Variants in CCR3 observed in about 807,000 individuals in gnomAD.
The protein encoded by CCR3 is C-C chemokine receptor type 3.
For synonymous variants in CCR3, 203 were observed against 179.2 expected (o/e 1.13, Z -1.06); for missense variants, 419 against 437.5 (o/e 0.96, Z 0.38).
chr3:46,246,897 A>G (rs1179034369), intron 1 of CCR3, among the ~76,000 whole-genome samples: 4 of 151,982 alleles, frequency 2.6e-5, no homozygotes, highest in Admixed American at 2.0e-4. Context: ...ATTAAGCTGA[A>G]GGGAGGTCTT....
chr3:46,223,618 G>A (rs1699861232), intron 2 of CCR3, among the ~76,000 whole-genome samples: 1 of 152,110 alleles, frequency 6.6e-6, no homozygotes, highest in Non-Finnish European at 1.5e-5. Flanking sequence ...GCATGCAGGT[G>A]TGTGTGTGCA....
At chr3:46,222,499 A>G (rs1420592352) in intron 2 of CCR3, among the ~76,000 whole-genome samples, 4 of 152,144 alleles carry the variant, frequency 2.6e-5, no homozygotes, top group African/African-American at 9.7e-5. Flanking sequence ...AACTCAGGAG[A>G]AAAACCTCCA....
In CCR3 at chr3:46,252,343, A is replaced by AT. The variant is rs533486011; in HGVS notation, c.-12+9818dup. ...GGGGTGCACCACTACTGCCCAGCTA[A>AT]TTTTTTTTTTTTTAAAGTAGAGACA... On this transcript the variant is annotated intron_variant, in intron 1 of 1. Coordinates refer to ENST00000395940, the MANE Select transcript of CCR3 (RefSeq NM_178329.3). Among the ~76,000 whole-genome samples the AT allele has an allele frequency of 1.3e-3, 190 of 145,414 alleles. 2 individuals carry two copies. The highest frequency in any genetic ancestry group is 0.011 in the Middle Eastern group (3 of 280).
intron 1 of CCR3, among the ~76,000 whole-genome samples, chr3:46,246,374 G>T (rs1473900480): frequency 3.3e-5 from 5 of 152,164 alleles, no homozygotes; most frequent in Non-Finnish European, 7.3e-5. Flanking sequence ...CGAAAAGAGA[G>T]TCAGCGAAGG....
chr3:46,240,115 G>T (rs2125926449), upstream of CCR3, among the ~76,000 whole-genome samples: 1 of 152,216 alleles, frequency 6.6e-6, no homozygotes, highest in South Asian at 2.1e-4. Flanking sequence ...GTGATCTAGG[G>T]ATAAAACTCC....
chr3:46,244,474 G>A (rs779844270), intron 1 of CCR3, among the ~76,000 whole-genome samples: 7 of 152,180 alleles, frequency 4.6e-5, no homozygotes, highest in Admixed American at 1.3e-4. Context: ...AAGAGTCAGC[G>A]AAGGGAGATA....
chr3:46,213,790 G>C (rs1200755135), intron 2 of CCR3, among the ~76,000 whole-genome samples: 2 of 152,136 alleles, frequency 1.3e-5, no homozygotes, highest in Admixed American at 6.5e-5. Flanking sequence ...AACTCCAACA[G>C]TTCTTTAACC....
chr3:46,239,510 G>A (rs138151426), upstream of CCR3, among the ~76,000 whole-genome samples: 34 of 152,266 alleles, frequency 2.2e-4, no homozygotes, highest in East Asian at 6.0e-3. Context: ...TCATCTATAT[G>A]AGCCATAAAT....
At chr3:46,221,189 C>T (rs1356963502) in intron 2 of CCR3, among the ~76,000 whole-genome samples, 1 of 152,000 alleles carries the variant, frequency 6.6e-6, no homozygotes. Context: ...TTATATCAGG[C>T]ATGTTGTGCC....
chr3:46,216,147 T>C (rs1223941922), intron 2 of CCR3, among the ~76,000 whole-genome samples: 1 of 152,228 alleles, frequency 6.6e-6, no homozygotes, highest in Non-Finnish European at 1.5e-5. Context: ...TATGAATTTA[T>C]CTTACAAATA....
At chr3:46,252,427 C>T (rs947557594) in intron 1 of CCR3, among the ~76,000 whole-genome samples, 4 of 152,058 alleles carry the variant, frequency 2.6e-5, no homozygotes, top group African/African-American at 9.7e-5. Context: ...GATCCACCCA[C>T]CTTGGCCTCT....
At chr3:46,210,853 A>G (rs200377960) in exon 2 of CCR3, 2 of 152,306 alleles carry the variant, frequency 1.3e-5, no homozygotes, top group Non-Finnish European at 2.9e-5. Context: ...TATCACATCT[A>G]AAGCCTGAGC....
rs373271984 is a variant in CCR3, at chr3:46,245,910, A to G, written c.-12+3372A>G. ...TTTTTTTATGGCTGCATAGTATTCC[A>G]TGTGTATATGTACCACATTTTCTTT... On this transcript the variant is annotated intron_variant, in intron 1 of 1. Coordinates refer to ENST00000395940, the MANE Select transcript of CCR3 (RefSeq NM_178329.3). 4.1e-4 allele frequency among the ~76,000 whole-genome samples: 62 copies of G among 152,276 alleles called. 4 individuals are homozygous for G. In the East Asian group the frequency reaches 5.0e-3, roughly 12 times the overall value.
intron 1 of CCR3, among the ~76,000 whole-genome samples, chr3:46,254,462 T>C (rs961275663): frequency 6.7e-6 from 1 of 148,718 alleles, no homozygotes; most frequent in East Asian, 2.0e-4. Flanking sequence ...GGAAGTATTT[T>C]TCCCCCCTGG....
At position 46,242,471 on chromosome 3, in the gene CCR3, T is replaced by C. The variant is rs1490854239; in HGVS notation, c.-79T>C. On this transcript the variant is annotated 5_prime_UTR_variant, in exon 1 of 2. Transcript: ENST00000395940. ...CTAAATTAGCAGGTACCACTGGTCTTCTTGTGCTTATCCGGGCAAGAACTT... is the reference window on the plus strand; with the variant it reads ...CTAAATTAGCAGGTACCACTGGTCTCCTTGTGCTTATCCGGGCAAGAACTT... 1 of 152,186 alleles carries C rather than the reference T, an allele frequency of 6.6e-6. No homozygotes were observed. The highest frequency in any genetic ancestry group is 2.4e-5 in the African/African-American group (1 of 41,430). 9.4% of individuals were successfully genotyped at this position (152,186 alleles called of 1,614,324 possible).
intron 1 of CCR3, among the ~76,000 whole-genome samples, chr3:46,251,664 G>A (rs1700316270): frequency 6.6e-6 from 1 of 152,164 alleles, no homozygotes; most frequent in Admixed American, 6.5e-5. Flanking sequence ...CAACATGGCT[G>A]TTTATTTCAC....
intron 1 of CCR3, among the ~76,000 whole-genome samples, chr3:46,245,712 C>T (rs923676347): frequency 6.6e-6 from 1 of 151,564 alleles, no homozygotes; most frequent in African/African-American, 2.4e-5. Flanking sequence ...TCCCTCCTCC[C>T]ACTCTCAAGT....
rs763311180 is a variant in CCR3 at position 46,265,402 on chromosome 3, C to T, written c.244C>T (p.Leu82Phe). 3.1e-6 allele frequency: 5 copies of T among 1,614,200 alleles called. No homozygotes were observed. The highest frequency in any genetic ancestry group is 2.2e-5 in the South Asian group (2 of 91,078). The change falls in exon 2 of 2, where the codon CTC becomes TTC. Residue 82 changes from leucine (L) to phenylalanine (F), a missense_variant. Physicochemically the swap from Leu to Phe is conservative, Grantham distance 22 (BLOSUM62 0). Transcript: ENST00000395940. ...YLLNLAISDL[L>F]FLVTLPFWIH... ...GCTCAACCTGGCCATTTCGGACCTG[C>T]TCTTCCTCGTCACCCTTCCATTCTG... is the stretch of plus-strand genomic sequence containing the variant.
chr3:46,241,246 A>G (rs915506428), upstream of CCR3, among the ~76,000 whole-genome samples: 1 of 151,864 alleles, frequency 6.6e-6, no homozygotes, highest in African/African-American at 2.4e-5. Flanking sequence ...ATCATGAAGC[A>G]TACAGCACAG....
Sources: allele counts gnomAD v4.1 joint callset (sites outside exome capture counted in the v4.1 genomes callset), GRCh38; gene constraint gnomAD v4.1.1; transcripts MANE v1.5; gene names NCBI Gene and HGNC (gene_info 2026-07-23, HGNC 2026-07-21).